EML4: variants seen among roughly 807,000 people sequenced by gnomAD.
The protein encoded by EML4 is echinoderm microtubule-associated protein-like 4.
In EML4, 72 loss-of-function variants were observed where a neutral mutation model predicts 129.0. The observed-to-expected ratio is 0.56, with a 90% CI of 0.46 to 0.68. The LOEUF (loss-of-function observed/expected upper bound fraction) is 0.68. Among genes scored for constraint, EML4 ranks in the 30% least tolerant of loss-of-function variants. EML4 has a pLI of 0.00. For synonymous variants in EML4, 532 were observed against 405.0 expected (o/e 1.31, Z -3.77); for missense variants, 1,363 against 1,190.6 (o/e 1.14, Z -2.13).
chr2:42,267,784 C>G (rs1666144797), intron 6 of EML4, among the ~76,000 whole-genome samples: 1 of 152,186 alleles, frequency 6.6e-6, no homozygotes, highest in South Asian at 2.1e-4. Context: ...TGTTTATACC[C>G]TGAAACCTAA....
chr2:42,249,061 C>G (rs973929635), intron 2 of EML4, among the ~76,000 whole-genome samples: 3 of 152,110 alleles, frequency 2.0e-5, no homozygotes, highest in African/African-American at 7.2e-5. Flanking sequence ...TTAAGTGACT[C>G]TTCACTATTG....
At chr2:42,230,471 A>G (rs777028421) in intron 1 of EML4, among the ~76,000 whole-genome samples, 9 of 152,094 alleles carry the variant, frequency 5.9e-5, no homozygotes, top group Non-Finnish European at 1.0e-4. Flanking sequence ...CAGTGTTGCA[A>G]TCTTGGCTCA....
chr2:42,309,547 C>A (rs1253415391), intron 17 of EML4, among the ~76,000 whole-genome samples: 1 of 151,570 alleles, frequency 6.6e-6, no homozygotes, highest in Non-Finnish European at 1.5e-5. Context: ...TTCTCCACAT[C>A]CTTGCCAGTA....
intron 1 of EML4, among the ~76,000 whole-genome samples, chr2:42,196,203 CATTAATGAGTGAATTAATACATTCATTT>C (rs1331736312): frequency 6.6e-6 from 1 of 152,110 alleles, no homozygotes; most frequent in Non-Finnish European, 1.5e-5. Flanking sequence ...TACATTCAGT[CATTAATGAGTGAATTAATACATTCATTT>C]ATTAATGAAT....
At chr2:42,211,919 A>C (rs899510031) in intron 1 of EML4, among the ~76,000 whole-genome samples, 1 of 152,014 alleles carries the variant, frequency 6.6e-6, no homozygotes, top group Non-Finnish European at 1.5e-5. Flanking sequence ...ATTTTGGCTC[A>C]CTGCAACCTC....
In EML4 at chr2:42,264,632, G is replaced by C. The variant is rs1029097596; in HGVS notation, c.642-74G>C. The C allele has an allele frequency of 3.5e-6, 3 of 845,216 alleles. No homozygotes were observed. In the Admixed American group the frequency reaches 7.8e-5, roughly 22 times the overall value. 52.4% of individuals were successfully genotyped at this position (845,216 alleles called of 1,614,324 possible). A position where few individuals can be genotyped will look rare whatever the true frequency, so the allele number is the denominator to read the frequency against. ...TAGCCTAAGCATTAAAACTTTTACA[G>C]TTTCTTGAGGTGATTTTAATGGTTA... On this transcript the variant is annotated intron_variant, in intron 5 of 22. Coordinates refer to ENST00000318522, the MANE Select transcript of EML4 (RefSeq NM_019063.5).
chr2:42,171,045 G>A (rs543495414), intron 1 of EML4, among the ~76,000 whole-genome samples: 2 of 152,296 alleles, frequency 1.3e-5, no homozygotes, highest in African/African-American at 4.8e-5. Flanking sequence ...ACTGAGTGTT[G>A]TGTTACTCTT....
chr2:42,191,874 T>TCA (rs1671604419), intron 1 of EML4, among the ~76,000 whole-genome samples: 1 of 152,032 alleles, frequency 6.6e-6, no homozygotes, highest in Admixed American at 6.6e-5. Flanking sequence ...CCGGGCACGG[T>TCA]GGCTCACACC....
At chr2:42,295,538 C>G (rs1396866684) in intron 13 of EML4, 22 bp downstream of exon 13, 3 of 1,602,120 alleles carry the variant, frequency 1.9e-6, no homozygotes, top group South Asian at 2.3e-5. Flanking sequence ...TTATATTAAA[C>G]TCATTTCTGG....
chr2:42,323,361 T>G (rs936804205), intron 19 of EML4, among the ~76,000 whole-genome samples: 3 of 146,762 alleles, frequency 2.0e-5, no homozygotes, highest in African/African-American at 8.3e-5. Flanking sequence ...ATTTCTTAAG[T>G]TAGTAGGTCC....
chr2:42,210,902 A>G (rs1231224859), intron 1 of EML4, among the ~76,000 whole-genome samples: 4 of 152,166 alleles, frequency 2.6e-5, no homozygotes, highest in Non-Finnish European at 5.9e-5. Context: ...TAGATAGAAA[A>G]TCAGTTTATG....
At position 42,330,216 on chromosome 2, in the gene EML4, C is replaced by T; in HGVS notation, c.*9C>T. 15 of 1,610,566 alleles carry T rather than the reference C, an allele frequency of 9.3e-6. No homozygotes were observed. Among genetic ancestry groups the T allele is most frequent in the Non-Finnish European group, 1.3e-5 (15 of 1,177,676 alleles). On this transcript the variant is annotated 3_prime_UTR_variant, in exon 23 of 23. Coordinates refer to ENST00000318522, the MANE Select transcript of EML4 (RefSeq NM_019063.5). ...CTTCGCCCTCGTCCTAACACCCTGGCTTCAGTGCAACTCTTTTCCTTCAGC... is the reference window on the plus strand; with the variant it reads ...CTTCGCCCTCGTCCTAACACCCTGGTTTCAGTGCAACTCTTTTCCTTCAGC...
chr2:42,181,072 A>G (rs370645582), intron 1 of EML4, among the ~76,000 whole-genome samples: 4 of 152,192 alleles, frequency 2.6e-5, no homozygotes, highest in Admixed American at 6.5e-5. Flanking sequence ...TATTTATCCC[A>G]TTACTGATGA....
At chr2:42,178,603 G>A (rs10164865) in intron 1 of EML4, among the ~76,000 whole-genome samples, 106,234 of 151,990 alleles carry the variant, frequency 0.7, 37,512 homozygotes, top group Middle Eastern at 0.85. Flanking sequence ...CCCCCGTGTG[G>A]TGCCTGTCAC....
intron 6 of EML4, among the ~76,000 whole-genome samples, chr2:42,266,650 C>CTT (rs35088865): frequency 6.9e-6 from 1 of 145,652 alleles, no homozygotes; most frequent in Non-Finnish European, 1.5e-5. Flanking sequence ...GGTCCGAAAA[C>CTT]TTTTTTTTTT....
chr2:42,192,603 T>C (rs1190034631), intron 1 of EML4, among the ~76,000 whole-genome samples: 1 of 152,038 alleles, frequency 6.6e-6, no homozygotes, highest in East Asian at 1.9e-4. Context: ...TAGAGTCCTT[T>C]TATGAAAAAA....
In EML4 at chr2:42,328,942, A is replaced by G. The variant is rs746208179; in HGVS notation, c.2398A>G (p.Asn800Asp). 10 of 1,613,570 alleles carry G rather than the reference A, an allele frequency of 6.2e-6. No homozygotes were observed. The highest frequency in any genetic ancestry group is 2.2e-5 in the East Asian group (1 of 44,882). ...TDINALVRSH[N>D]RKVIAVADDF... ...TATCAATGCACTGGTGCGATCCCAC[A>G]ATAGAAAGGTGATAGCTGTTGCCGA... The change falls in exon 22 of 23, where the codon AAT becomes GAT. Residue 800 changes from asparagine to aspartate, a missense_variant. Coordinates refer to ENST00000318522, the MANE Select transcript of EML4 (RefSeq NM_019063.5).
At chr2:42,278,819 C>G (rs554932265) in intron 6 of EML4, among the ~76,000 whole-genome samples, 7 of 151,832 alleles carry the variant, frequency 4.6e-5, no homozygotes, top group Non-Finnish European at 8.8e-5. Flanking sequence ...GCCTATAATC[C>G]CAGCTACTCG....
intron 17 of EML4, among the ~76,000 whole-genome samples, chr2:42,307,767 C>T (rs1448876915): frequency 1.3e-5 from 2 of 152,192 alleles, no homozygotes; most frequent in Non-Finnish European, 2.9e-5. Flanking sequence ...GATTCTTTAG[C>T]CTCAAGCCTC....
Sources: gnomAD v4.1 joint callset for allele counts (sites outside exome capture counted in the v4.1 genomes callset) on GRCh38, gnomAD v4.1.1 for gene constraint, MANE v1.5 for transcripts, NCBI Gene and HGNC (gene_info 2026-07-23, HGNC 2026-07-21) for gene names.